Variants in TPRX1 observed in about 807,000 individuals in gnomAD.
The protein encoded by TPRX1 is tetra-peptide repeat homeobox protein 1.
TPRX1 carries 2 observed loss-of-function variants against 8.1 expected under a neutral mutation model. The ratio of observed to expected loss-of-function variants is 0.25; its 90% CI spans 0.10 to 0.78. TPRX1 has a LOEUF of 0.78. Among genes scored for constraint, TPRX1 ranks in the 30% least tolerant of loss-of-function variants. TPRX1 has a pLI of 0.70. For synonymous variants in TPRX1, 257 were observed against 254.1 expected, an observed-to-expected ratio of 1.01 and a Z score of -0.11; for missense variants, 517 against 586.9, an observed-to-expected ratio of 0.88 and a Z score of 1.23.
chr19:47,816,678 G>A (rs553563112), intron 2 of TPRX1, among the ~76,000 whole-genome samples: 4 of 151,852 alleles, frequency 2.6e-5, no homozygotes, highest in South Asian at 2.1e-4. Flanking sequence ...GACTACAGGC[G>A]CCCGCCACCA....
intron 1 of TPRX1, chr19:47,818,847 A>C: frequency 3.4e-6 from 1 of 290,746 alleles, no homozygotes; most frequent in East Asian, 8.2e-5. Flanking sequence ...GCACCCATTA[A>C]CTCATCATTT....
At chr19:47,814,698 A>T (rs777515515) in intron 2 of TPRX1, among the ~76,000 whole-genome samples, 3 of 152,104 alleles carry the variant, frequency 2.0e-5, no homozygotes, top group Non-Finnish European at 2.9e-5. Flanking sequence ...AACTGCAAGG[A>T]ATCTTTGCAG....
At chr19:47,806,712 T>G (rs536301559) in intron 2 of TPRX1, among the ~76,000 whole-genome samples, 1 of 152,214 alleles carries the variant, frequency 6.6e-6, no homozygotes, top group East Asian at 1.9e-4. Context: ...ACGATTCTAT[T>G]TATACAAAGT....
In TPRX1 at chr19:47,807,117, G is replaced by T. The variant is rs143743407; in HGVS notation, c.152-3444C>A. Among the ~76,000 whole-genome samples the T allele has an allele frequency of 9.7e-3, 1,484 of 152,248 alleles. 35 individuals are homozygous for T. Among genetic ancestry groups the T allele is most frequent in the African/African-American group, 0.034 (1,405 of 41,544 alleles). ...GAATGGGTTTCACCATGTTGGCCAG[G>T]CTGGCCTCGAATGCCTGACCTCAAG... On this transcript the variant is annotated intron_variant, in intron 2 of 3. Coordinates refer to ENST00000535759, the Ensembl canonical transcript of TPRX1.
chr19:47,816,412 C>T (rs1333536270), intron 2 of TPRX1, among the ~76,000 whole-genome samples: 1 of 149,834 alleles, frequency 6.7e-6, no homozygotes, highest in Non-Finnish European at 1.5e-5. Flanking sequence ...CCTCCTTCCC[C>T]TCCTAATATA....
At chr19:47,805,544 C>G (rs1466309937) in intron 2 of TPRX1, among the ~76,000 whole-genome samples, 1 of 152,146 alleles carries the variant, frequency 6.6e-6, no homozygotes, top group Non-Finnish European at 1.5e-5. Context: ...ATTGACAAGG[C>G]TCATGGTGCA....
intron 2 of TPRX1, among the ~76,000 whole-genome samples, chr19:47,817,470 G>A (rs1599958648): frequency 6.6e-6 from 1 of 152,306 alleles, no homozygotes; most frequent in Admixed American, 6.5e-5. Flanking sequence ...CTCTTAGGAT[G>A]CTCGCCACAG....
At chr19:47,808,092 G>A (rs975193153) in intron 2 of TPRX1, among the ~76,000 whole-genome samples, 21 of 151,952 alleles carry the variant, frequency 1.4e-4, no homozygotes, top group African/African-American at 4.8e-4. Context: ...ACCATGTCCG[G>A]GTAATTTTCT....
chr19:47,815,162 A>ATATATATGCAAATATATATATATATAT (rs1360730858), intron 2 of TPRX1, among the ~76,000 whole-genome samples: 5 of 74,712 alleles, frequency 6.7e-5, no homozygotes, highest in African/African-American at 2.5e-4. Context: ...ATATATATAT[A>ATATATATGCAAATATATATATATATAT]TTTTTTTTTT....
intron 2 of TPRX1, among the ~76,000 whole-genome samples, chr19:47,809,712 A>G (rs1967765434): frequency 6.6e-6 from 1 of 152,142 alleles, no homozygotes; most frequent in African/African-American, 2.4e-5. Context: ...CTGGAAAACA[A>G]GAAGCATTTC....
intron 2 of TPRX1, among the ~76,000 whole-genome samples, chr19:47,815,110 T>TA (rs2123720091): frequency 7.3e-5 from 2 of 27,222 alleles, no homozygotes; most frequent in South Asian, 1.5e-3. Context: ...AATAAATAGA[T>TA]AAATTATATA....
At chr19:47,802,047 G>T in exon 4 of TPRX1, 1 of 1,606,646 alleles carries the variant, frequency 6.2e-7, no homozygotes, top group Middle Eastern at 1.7e-4. Context: ...CCTGGGCCTG[G>T]GATTGGAGCT....
chr19:47,803,343 G>A (rs1371583356), intron 3 of TPRX1, among the ~76,000 whole-genome samples, 161 bp downstream of exon 2: 1 of 151,672 alleles, frequency 6.6e-6, no homozygotes, highest in East Asian at 2.0e-4. Context: ...GGCTAGCATA[G>A]AGTTGGAACA....
chr19:47,806,190 C>T lies in TPRX1; in HGVS notation c.152-2517G>A, dbSNP rs191257222. Among the ~76,000 whole-genome samples the T allele has an allele frequency of 2.7e-5, 4 of 150,498 alleles. No individual in the cohort carries two copies. The Admixed American group carries it at 2.7e-4, about 10-fold the overall frequency. The stretch of plus-strand genomic sequence containing the variant: ...GGAGTGGAGATTGTGCCACTGTACT[C>T]CAGCCTGGGCAACAGAGTGAGACTC... On this transcript the variant is annotated intron_variant, in intron 2 of 3. Coordinates refer to ENST00000535759, the Ensembl canonical transcript of TPRX1.
chr19:47,805,303 T>C (rs1967725733), intron 2 of TPRX1, among the ~76,000 whole-genome samples: 1 of 152,114 alleles, frequency 6.6e-6, no homozygotes, highest in African/African-American at 2.4e-5. Context: ...GAGCCCAGCC[T>C]CTCCAAGCTG....
At chr19:47,815,164 T>TATATATGCAAGTATATATATATATATATA (rs1228376903) in intron 2 of TPRX1, among the ~76,000 whole-genome samples, 1 of 49,910 alleles carries the variant, frequency 2.0e-5, no homozygotes, top group Non-Finnish European at 4.2e-5. Context: ...ATATATATAT[T>TATATATGCAAGTATATATATATATATATA]TTTTTTTTTT....
At chr19:47,808,745 C>T (rs563391045) in intron 2 of TPRX1, among the ~76,000 whole-genome samples, 28 of 152,014 alleles carry the variant, frequency 1.8e-4, no homozygotes, top group Admixed American at 5.3e-4. Flanking sequence ...TGTGAGCCAC[C>T]GTGCCTGGCC....
chr19:47,807,336 G>A (rs1201637219), intron 2 of TPRX1, among the ~76,000 whole-genome samples: 2 of 152,088 alleles, frequency 1.3e-5, no homozygotes, highest in African/African-American at 4.8e-5. Context: ...TATTACAGGC[G>A]TGAACCAGCG....
At position 47,801,823 on chromosome 19, in the gene TPRX1, GCCAC is replaced by G. The variant is rs1277004155; in HGVS notation, c.1475_1478del (p.Gly492AlafsTer3). On this transcript the variant is annotated frameshift_variant, in exon 4 of 4. Coordinates refer to ENST00000535759, the Ensembl canonical transcript of TPRX1. LOFTEE classifies it low-confidence loss of function (END_TRUNC). The stretch of plus-strand genomic sequence containing the variant: ...GGCCTGAGTGATTTTCATTCACAGA[GCCAC>G]CCTCCTCTTGGGGCTGAGACCCTGA... 6.2e-7 allele frequency: 1 copy of G among 1,614,094 alleles called. No individual in the cohort carries two copies. The highest frequency in any genetic ancestry group is 8.5e-7 in the Non-Finnish European group (1 of 1,180,006).
Sources: gnomAD v4.1 joint callset for allele counts (sites outside exome capture counted in the v4.1 genomes callset) on GRCh38, gnomAD v4.1.1 for gene constraint, MANE v1.5 for transcripts, NCBI Gene and HGNC (gene_info 2026-07-23, HGNC 2026-07-21) for gene names.